Variants in MGAT4C observed in about 807,000 individuals in gnomAD.
MGAT4C encodes MGAT4 family member C.
Under a neutral mutation model 40.1 loss-of-function variants are expected in MGAT4C, and 19 were observed. The observed-to-expected ratio is 0.47, with a 90% CI of 0.33 to 0.70. MGAT4C has a LOEUF of 0.70. Among genes scored for constraint, MGAT4C ranks in the 30% least tolerant of loss-of-function variants. MGAT4C has a pLI of 0.02. For missense variants in MGAT4C, 491 were observed against 563.2 expected (o/e 0.87, Z 1.30); for synonymous variants, 181 against 187.1 (o/e 0.97, Z 0.27).
intron 1 of MGAT4C, among the ~76,000 whole-genome samples, chr12:86,801,503 T>C (rs1256854935): frequency 6.6e-6 from 1 of 151,780 alleles, no homozygotes; most frequent in African/African-American, 2.4e-5. Flanking sequence ...TAGAAAGTTC[T>C]GAGTTTGTTG....
At chr12:86,223,705 C>G (rs1221321368) in intron 1 of MGAT4C, among the ~76,000 whole-genome samples, 1 of 152,152 alleles carries the variant, frequency 6.6e-6, no homozygotes, top group Non-Finnish European at 1.5e-5. Context: ...TTTTCACCAT[C>G]CAGGGGCCTA....
intron 4 of MGAT4C, among the ~76,000 whole-genome samples, chr12:86,332,638 T>C (rs752876337): frequency 2.7e-5 from 4 of 149,210 alleles, no homozygotes; most frequent in Non-Finnish European, 5.9e-5. Flanking sequence ...TCTTTACTTT[T>C]TAAAGGTTTT....
chr12:86,374,047 C>G (rs918068629), intron 3 of MGAT4C, among the ~76,000 whole-genome samples: 10 of 151,978 alleles, frequency 6.6e-5, no homozygotes. Context: ...CAGAACCTAT[C>G]TCAAAGTCTA....
intron 1 of MGAT4C, among the ~76,000 whole-genome samples, chr12:86,205,087 A>G (rs187003284): frequency 6.2e-4 from 95 of 152,126 alleles, no homozygotes; most frequent in African/African-American, 2.3e-3. Context: ...ATAAAAATGT[A>G]AAAATTTGGA....
At chr12:86,512,046 G>A (rs955248488) in intron 2 of MGAT4C, among the ~76,000 whole-genome samples, 4 of 151,642 alleles carry the variant, frequency 2.6e-5, no homozygotes, top group South Asian at 2.1e-4. Flanking sequence ...CAATGCAATC[G>A]CAGAAACAAA....
At chr12:86,417,836 A>T (rs1471052050) in intron 3 of MGAT4C, among the ~76,000 whole-genome samples, 1 of 152,120 alleles carries the variant, frequency 6.6e-6, no homozygotes, top group Non-Finnish European at 1.5e-5. Context: ...TTATTTTATC[A>T]CATACTTTAC....
chr12:86,261,568 G>T (rs1372008139), intron 4 of MGAT4C, among the ~76,000 whole-genome samples: 1 of 152,028 alleles, frequency 6.6e-6, no homozygotes, highest in Non-Finnish European at 1.5e-5. Flanking sequence ...ATATAATAAT[G>T]TCATGACTGA....
At chr12:86,765,890 C>T (rs975584592) in intron 1 of MGAT4C, among the ~76,000 whole-genome samples, 2 of 152,190 alleles carry the variant, frequency 1.3e-5, no homozygotes, top group Non-Finnish European at 2.9e-5. Context: ...AAAGGAACAA[C>T]TGGTACCAGC....
chr12:86,653,573 T>C (rs1963760284), intron 2 of MGAT4C, among the ~76,000 whole-genome samples: 1 of 151,924 alleles, frequency 6.6e-6, no homozygotes, highest in Admixed American at 6.6e-5. Context: ...GACGGTTTAT[T>C]AGTAAAAGGA....
rs1480043265 is a variant in MGAT4C at position 86,484,820 on chromosome 12, C to T, written c.-228-49555G>A. 2.6e-5 allele frequency among the ~76,000 whole-genome samples: 4 copies of T among 152,116 alleles called. No homozygotes were observed. In the South Asian group the frequency reaches 6.2e-4, roughly 24 times the overall value. ...CACCAGTGATCAGAGGAGGCTCCCCCAAGGCCCAAGAGCAGGCTTGGTGAG... is the reference window on the plus strand; with the variant it reads ...CACCAGTGATCAGAGGAGGCTCCCCTAAGGCCCAAGAGCAGGCTTGGTGAG... On this transcript the variant is annotated intron_variant, in intron 2 of 7. Transcript: ENST00000548651.
intron 1 of MGAT4C, among the ~76,000 whole-genome samples, chr12:86,736,017 T>C (rs1950980559): frequency 6.6e-6 from 1 of 151,840 alleles, no homozygotes; most frequent in Admixed American, 6.6e-5. Flanking sequence ...ATAAAAAGCC[T>C]CTCTCTGTTG....
At chr12:86,574,396 T>C (rs1960482885) in intron 2 of MGAT4C, among the ~76,000 whole-genome samples, 1 of 151,826 alleles carries the variant, frequency 6.6e-6, no homozygotes, top group Non-Finnish European at 1.5e-5. Flanking sequence ...AGATACTCAA[T>C]AGTTATTTCT....
At chr12:86,203,054 GT>G (rs60367742) in intron 1 of MGAT4C, among the ~76,000 whole-genome samples, 1 of 131,870 alleles carries the variant, frequency 7.6e-6, no homozygotes, top group African/African-American at 2.8e-5. Context: ...GTGTGTGTGT[GT>G]TTTTACATAG....
chr12:86,133,161 C>T (rs1394157998), intron 1 of MGAT4C, among the ~76,000 whole-genome samples: 2 of 152,112 alleles, frequency 1.3e-5, no homozygotes, highest in African/African-American at 2.4e-5. Flanking sequence ...CCAATTACTA[C>T]CTATTAGAAA....
intron 2 of MGAT4C, among the ~76,000 whole-genome samples, chr12:86,638,792 G>A (rs938930234): frequency 6.6e-6 from 1 of 151,638 alleles, no homozygotes; most frequent in Non-Finnish European, 1.5e-5. Flanking sequence ...AAACAGCTGT[G>A]TACTATGAAA....
intron 1 of MGAT4C, among the ~76,000 whole-genome samples, chr12:86,731,416 C>T (rs1472446922): frequency 6.6e-6 from 1 of 152,070 alleles, no homozygotes; most frequent in African/African-American, 2.4e-5. Context: ...ATTTAAGAGT[C>T]TATTTCCAGG....
At chr12:86,199,715 G>A (rs1224105633) in intron 1 of MGAT4C, among the ~76,000 whole-genome samples, 1 of 152,074 alleles carries the variant, frequency 6.6e-6, no homozygotes, top group Admixed American at 6.6e-5. Context: ...AAAATGCTTA[G>A]TGAAGTACAT....
intron 3 of MGAT4C, among the ~76,000 whole-genome samples, chr12:86,387,008 T>C (rs1194412910): frequency 6.6e-6 from 1 of 152,180 alleles, no homozygotes; most frequent in African/African-American, 2.4e-5. Context: ...AGTTGGAATT[T>C]GCCATATGTA....
chr12:86,438,919 A>T (rs1170610468), intron 2 of MGAT4C, among the ~76,000 whole-genome samples: 2 of 152,000 alleles, frequency 1.3e-5, no homozygotes, highest in Non-Finnish European at 2.9e-5. Context: ...GGATAATCCA[A>T]CAAAAAGATG....
Sources: allele counts gnomAD v4.1 joint callset (sites outside exome capture counted in the v4.1 genomes callset), GRCh38; gene constraint gnomAD v4.1.1; transcripts MANE v1.5; gene names NCBI Gene and HGNC (gene_info 2026-07-23, HGNC 2026-07-21).